DISP1: variants seen among roughly 807,000 people sequenced by gnomAD.
DISP1 encodes dispatched RND transporter family member 1.
Under a neutral mutation model 37.3 loss-of-function variants are expected in DISP1, and 30 were observed. That is an observed-to-expected ratio of 0.80 (90% CI 0.60 to 1.09). The LOEUF is 1.09. Among genes scored for constraint, DISP1 ranks in the 50% least tolerant of loss-of-function variants. DISP1 has a pLI of 0.00. For missense variants in DISP1, 1,598 were observed against 1,879.5 expected (o/e 0.85, Z 2.77); for synonymous variants, 634 against 690.2 (o/e 0.92, Z 1.28).
chr1:222,907,332 C>T (rs564940462), intron 1 of DISP1, among the ~76,000 whole-genome samples: 2 of 152,210 alleles, frequency 1.3e-5, no homozygotes, highest in Admixed American at 6.5e-5. Context: ...AGGAGTAAAA[C>T]GGGGAAGAAA....
intron 1 of DISP1, among the ~76,000 whole-genome samples, chr1:222,883,166 G>T (rs973610373): frequency 6.6e-6 from 1 of 151,982 alleles, no homozygotes; most frequent in Non-Finnish European, 1.5e-5. Flanking sequence ...TACAATTTAA[G>T]TATCATAAAA....
intron 3 of DISP1, among the ~76,000 whole-genome samples, chr1:222,970,110 G>A (rs1358516462): frequency 1.3e-5 from 2 of 152,116 alleles, no homozygotes; most frequent in Admixed American, 6.5e-5. Context: ...GCACTCTTTC[G>A]TATTTGCTCT....
intron 1 of DISP1, among the ~76,000 whole-genome samples, chr1:222,873,141 G>C (rs1404904876): frequency 1.3e-5 from 2 of 152,128 alleles, no homozygotes; most frequent in Non-Finnish European, 2.9e-5. Context: ...CTGAGAGACA[G>C]TTTGTTATAA....
chr1:222,832,156 A>G (rs1006349010), intron 1 of DISP1, among the ~76,000 whole-genome samples: 2 of 152,076 alleles, frequency 1.3e-5, no homozygotes, highest in African/African-American at 4.8e-5. Flanking sequence ...CTGTAATCCC[A>G]GCTACTTGGG....
intron 3 of DISP1, among the ~76,000 whole-genome samples, chr1:222,963,779 G>A (rs182009202): frequency 3.9e-5 from 6 of 152,162 alleles, no homozygotes; most frequent in African/African-American, 1.4e-4. Context: ...TTGGGGGTGA[G>A]AGAAGGGAAC....
chr1:222,816,072 A>AATATATATATATATATATAT (rs68057775), intron 1 of DISP1, among the ~76,000 whole-genome samples: 2 of 144,122 alleles, frequency 1.4e-5, no homozygotes, highest in Non-Finnish European at 3.0e-5. Context: ...GCTGTAAGGA[A>AATATATATATATATATATAT]ATATATATAT....
chr1:222,994,792 T>C, intron 7 of DISP1, 93 bp from the exon 8 acceptor site: 1 of 908,098 alleles, frequency 1.1e-6, no homozygotes, highest in Middle Eastern at 3.3e-4. Flanking sequence ...CCATGTGGTT[T>C]CCCAGTTTGA....
At chr1:222,973,361 C>T (rs554010306) in intron 3 of DISP1, among the ~76,000 whole-genome samples, 3 of 152,118 alleles carry the variant, frequency 2.0e-5, no homozygotes, top group African/African-American at 7.2e-5. Flanking sequence ...TTGCCAAGTT[C>T]CCTTCTGAGC....
intron 1 of DISP1, among the ~76,000 whole-genome samples, chr1:222,832,339 AGTCT>A (rs1218674013): frequency 1.3e-5 from 2 of 152,170 alleles, no homozygotes; most frequent in Admixed American, 6.5e-5. Context: ...GATAGGTCTA[AGTCT>A]GTCTGTGATG....
At chr1:222,973,102 A>T (rs539396067) in intron 3 of DISP1, among the ~76,000 whole-genome samples, 21 of 152,348 alleles carry the variant, frequency 1.4e-4, no homozygotes, top group East Asian at 5.8e-4. Flanking sequence ...TCTAAATTAG[A>T]GTTAGCCAGG....
chr1:222,984,207 A>T (rs1572695762), intron 4 of DISP1, among the ~76,000 whole-genome samples: 1 of 152,008 alleles, frequency 6.6e-6, no homozygotes, highest in East Asian at 1.9e-4. Flanking sequence ...GGAGTTTAAG[A>T]CCAGCCAAGG....
intron 1 of DISP1, among the ~76,000 whole-genome samples, chr1:222,897,076 C>T (rs977143633): frequency 3.3e-5 from 5 of 152,054 alleles, no homozygotes; most frequent in African/African-American, 9.7e-5. Flanking sequence ...TCGTAATAGC[C>T]CCAAACTGAA....
chr1:222,815,416 C>A (rs1332806802), intron 1 of DISP1, among the ~76,000 whole-genome samples: 2 of 151,810 alleles, frequency 1.3e-5, no homozygotes, highest in Non-Finnish European at 2.9e-5. Flanking sequence ...TGTCCCGGGT[C>A]CTGGCGGATT....
chr1:222,923,399 A>G lies in DISP1; in HGVS notation c.-158-5031A>G, dbSNP rs76235325. Among the ~76,000 whole-genome samples, 794 of 152,324 alleles carry G rather than the reference A, an allele frequency of 5.2e-3. 7 individuals are homozygous for G. Among genetic ancestry groups the G allele is most frequent in the Middle Eastern group, 0.017 (5 of 294 alleles). ...CTGAGATTTTTAAATTTCATTTAAT[A>G]TGAATCAATTTAAAATTAAGTCACC... On this transcript the variant is annotated intron_variant, in intron 1 of 8. Transcript: ENST00000675850.
intron 4 of DISP1, chr1:222,989,452 G>A (rs952422481): frequency 2.0e-6 from 2 of 985,260 alleles, no homozygotes; most frequent in Admixed American, 6.2e-5. Context: ...ATCAAGACTT[G>A]GAAGTGCCAA....
intron 1 of DISP1, among the ~76,000 whole-genome samples, chr1:222,925,866 T>G (rs1274993548): frequency 6.6e-6 from 1 of 152,188 alleles, no homozygotes; most frequent in Non-Finnish European, 1.5e-5. Flanking sequence ...CACACTCAAG[T>G]TAAGAACCAC....
chr1:222,955,005 C>T (rs764106668), intron 3 of DISP1, among the ~76,000 whole-genome samples: 14 of 151,750 alleles, frequency 9.2e-5, no homozygotes, highest in Non-Finnish European at 1.9e-4. Flanking sequence ...TGGAGAAGGG[C>T]CAGAGAAGGC....
At chr1:222,952,714 G>GTTT (rs1675311119) in intron 3 of DISP1, among the ~76,000 whole-genome samples, 1 of 152,136 alleles carries the variant, frequency 6.6e-6, no homozygotes. Context: ...GCTGGGTGTG[G>GTTT]TGGCACGCAC....
intron 1 of DISP1, among the ~76,000 whole-genome samples, chr1:222,865,381 A>G (rs1669125310): frequency 6.6e-6 from 1 of 152,182 alleles, no homozygotes; most frequent in African/African-American, 2.4e-5. Flanking sequence ...ATGTTCTCCA[A>G]GATAACATCT....
Sources: allele counts gnomAD v4.1 joint callset (sites outside exome capture counted in the v4.1 genomes callset), GRCh38; gene constraint gnomAD v4.1.1; transcripts MANE v1.5; gene names NCBI Gene and HGNC (gene_info 2026-07-23, HGNC 2026-07-21).